The following SLC25A21 variants were observed in gnomAD, a reference collection of about 807,000 sequenced individuals.
SLC25A21 encodes mitochondrial 2-oxodicarboxylate carrier.
A neutral mutation model predicts 43.8 loss-of-function variants in SLC25A21; 47 were observed. The observed-to-expected ratio is 1.07, with a 90% CI of 0.85 to 1.37. SLC25A21 has a LOEUF of 1.37. SLC25A21 is among the 40% of genes most tolerant of loss of function. SLC25A21 has a pLI of 0.00. For missense variants in SLC25A21, 352 were observed against 350.2 expected (o/e 1.00, Z -0.04); for synonymous variants, 131 against 121.3 (o/e 1.08, Z -0.52).
intron 1 of SLC25A21, among the ~76,000 whole-genome samples, chr14:36,987,848 C>T (rs1960178704): frequency 6.6e-6 from 1 of 152,216 alleles, no homozygotes; most frequent in Non-Finnish European, 1.5e-5. Flanking sequence ...ATTTATGCTA[C>T]CTGTAGCTGG....
intron 1 of SLC25A21, among the ~76,000 whole-genome samples, chr14:37,149,699 A>T (rs1010742013): frequency 1.3e-5 from 2 of 152,170 alleles, no homozygotes; most frequent in Non-Finnish European, 2.9e-5. Context: ...TCACAGAGCA[A>T]GACTCAAAAA....
At chr14:36,907,896 G>A (rs1234423028) in intron 1 of SLC25A21, among the ~76,000 whole-genome samples, 7 of 152,122 alleles carry the variant, frequency 4.6e-5, no homozygotes, top group Admixed American at 1.3e-4. Flanking sequence ...AATAAGTTCC[G>A]ATTTCTTCTT....
intron 1 of SLC25A21, among the ~76,000 whole-genome samples, chr14:36,895,153 G>A (rs1006436464): frequency 6.6e-6 from 1 of 152,344 alleles, no homozygotes; most frequent in East Asian, 1.9e-4. Flanking sequence ...GAATTCGGCT[G>A]TGAAGCCATC....
rs919353023 is a variant in SLC25A21, at chr14:36,821,362, G to A, written c.120-7361C>T. On this transcript the variant is annotated intron_variant, in intron 2 of 9. Transcript: ENST00000331299. ...CTGGTTTTGAAGATAGTTTTTTTTA[G>A]CAAGTACTGGGCAGGGTGGGGTGGG... Among the ~76,000 whole-genome samples the A allele has an allele frequency of 4.6e-5, 7 of 150,588 alleles. 1 individual carries two copies. Among genetic ancestry groups the A allele is most frequent in the Admixed American group, 1.3e-4 (2 of 15,182 alleles).
chr14:36,713,009 TG>T (rs1883955692), intron 6 of SLC25A21, among the ~76,000 whole-genome samples: 1 of 151,744 alleles, frequency 6.6e-6, no homozygotes, highest in Non-Finnish European at 1.5e-5. Context: ...AGTCTAGAGG[TG>T]GGGGAAGGAG....
chr14:37,094,213 T>C (rs769593630), intron 1 of SLC25A21, among the ~76,000 whole-genome samples: 3 of 152,302 alleles, frequency 2.0e-5, no homozygotes, highest in Non-Finnish European at 4.4e-5. Flanking sequence ...AGGAATTAGA[T>C]AATTTTTCTA....
intron 1 of SLC25A21, among the ~76,000 whole-genome samples, chr14:37,157,863 G>C (rs1047327153): frequency 1.1e-4 from 17 of 152,072 alleles, no homozygotes; most frequent in African/African-American, 3.6e-4. Context: ...ACCAAGAAGA[G>C]AGAAGATCCA....
At chr14:36,968,381 C>A (rs969404000) in intron 1 of SLC25A21, among the ~76,000 whole-genome samples, 5 of 151,966 alleles carry the variant, frequency 3.3e-5, no homozygotes, top group Admixed American at 2.6e-4. Flanking sequence ...ACAAGCCCGG[C>A]TTATTATTAA....
chr14:36,800,928 T>C (rs1209504973), intron 3 of SLC25A21, among the ~76,000 whole-genome samples: 3 of 152,136 alleles, frequency 2.0e-5, no homozygotes, highest in African/African-American at 4.8e-5. Flanking sequence ...CCCTGGATGA[T>C]GGTGTTTTCC....
intron 3 of SLC25A21, among the ~76,000 whole-genome samples, chr14:36,753,129 G>C (rs1388927654): frequency 6.6e-6 from 1 of 152,142 alleles, no homozygotes; most frequent in Non-Finnish European, 1.5e-5. Flanking sequence ...AAGATGAAAA[G>C]TTCTGGAGGT....
At chr14:37,039,144 A>G (rs1055611008) in intron 1 of SLC25A21, among the ~76,000 whole-genome samples, 1 of 152,156 alleles carries the variant, frequency 6.6e-6, no homozygotes, top group Non-Finnish European at 1.5e-5. Context: ...CTGTCAGACA[A>G]CCCTGTTGTT....
intron 2 of SLC25A21, among the ~76,000 whole-genome samples, chr14:36,815,551 C>T (rs1003773976): frequency 6.6e-6 from 1 of 152,062 alleles, no homozygotes; most frequent in African/African-American, 2.4e-5. Context: ...AGCATAGTGC[C>T]CTGCATATAA....
chr14:36,796,908 C>G (rs1887694202), intron 3 of SLC25A21, among the ~76,000 whole-genome samples: 1 of 152,188 alleles, frequency 6.6e-6, no homozygotes, highest in South Asian at 2.1e-4. Flanking sequence ...GTAAGCCTGG[C>G]TTCCATTTCT....
intron 2 of SLC25A21, among the ~76,000 whole-genome samples, chr14:36,827,447 C>T (rs761645384): frequency 9.9e-5 from 15 of 152,074 alleles, no homozygotes; most frequent in Non-Finnish European, 1.9e-4. Context: ...TGAAATCATG[C>T]GACAACTGCA....
At chr14:36,951,415 C>T (rs908724098) in intron 1 of SLC25A21, among the ~76,000 whole-genome samples, 2 of 152,128 alleles carry the variant, frequency 1.3e-5, no homozygotes, top group African/African-American at 2.4e-5. Flanking sequence ...TTCCACAGCA[C>T]TGTCTCTAAA....
Position 36,965,113 on chromosome 14 carries a change from A to G in SLC25A21, c.71-90109T>C, listed in dbSNP as rs113071782. ...CATATTAATTTCATTCTTTTTGTAA[A>G]TATCTGTTAACTTACCTTCCCTTTT... On this transcript the variant is annotated intron_variant, in intron 1 of 9. Coordinates refer to ENST00000331299, the MANE Select transcript of SLC25A21 (RefSeq NM_030631.4). Among the ~76,000 whole-genome samples, 411 of 152,240 alleles carry G rather than the reference A, an allele frequency of 2.7e-3. 3 individuals carry two copies. The highest frequency in any genetic ancestry group is 9.5e-3 in the African/African-American group (396 of 41,554).
chr14:37,098,738 T>C (rs61989524), intron 1 of SLC25A21, among the ~76,000 whole-genome samples: 275 of 8,048 alleles, frequency 0.034, 2 homozygotes, highest in Non-Finnish European at 0.22. Flanking sequence ...GATAGATAGA[T>C]AGATAGATAG....
chr14:36,970,561 G>C (rs923281375), intron 1 of SLC25A21, among the ~76,000 whole-genome samples: 2 of 152,264 alleles, frequency 1.3e-5, no homozygotes, highest in Admixed American at 6.5e-5. Context: ...CAGCAATGAT[G>C]AAAGAATGGC....
chr14:36,717,309 A>T (rs878939204), intron 6 of SLC25A21, among the ~76,000 whole-genome samples: 12 of 152,232 alleles, frequency 7.9e-5, no homozygotes, highest in Admixed American at 5.9e-4. Context: ...ATATTTCACA[A>T]ATTCATCATT....
Sources: gnomAD v4.1 joint callset for allele counts (sites outside exome capture counted in the v4.1 genomes callset) on GRCh38, gnomAD v4.1.1 for gene constraint, MANE v1.5 for transcripts, NCBI Gene and HGNC (gene_info 2026-07-23, HGNC 2026-07-21) for gene names.